Variants in TNPO1 observed in about 807,000 individuals in gnomAD.
TNPO1 encodes the protein transportin-1.
In TNPO1, 8 loss-of-function variants were observed where a neutral mutation model predicts 119.5. The observed-to-expected ratio is 0.07, with a 90% CI of 0.04 to 0.12. The LOEUF (loss-of-function observed/expected upper bound fraction) is 0.12, where lower values mean the gene tolerates loss of function less well. TNPO1 is among the 10% of genes least tolerant of loss of function. TNPO1 has a pLI of 1.00. For synonymous variants in TNPO1, 362 were observed against 363.0 expected, an observed-to-expected ratio of 1.00 and a Z score of 0.03; for missense variants, 576 against 1,089.8, an observed-to-expected ratio of 0.53 and a Z score of 6.64.
At chr5:72,842,766 C>T (rs1744972210) in intron 1 of TNPO1, among the ~76,000 whole-genome samples, 1 of 152,154 alleles carries the variant, frequency 6.6e-6, no homozygotes. Context: ...AAAAGATGAA[C>T]CTCTCCTTCC....
intron 24 of TNPO1, among the ~76,000 whole-genome samples, chr5:72,906,293 T>TTC (rs1750158444): frequency 8.4e-6 from 1 of 119,606 alleles, no homozygotes; most frequent in African/African-American, 3.3e-5. Context: ...TTTTTTTTTT[T>TTC]TTTTTTTTTT....
At chr5:72,866,104 A>G (rs1285081180) in intron 6 of TNPO1, among the ~76,000 whole-genome samples, 3 of 152,184 alleles carry the variant, frequency 2.0e-5, no homozygotes, top group African/African-American at 7.2e-5. Context: ...GTTTGTTACA[A>G]AGGCGTATTG....
intron 14 of TNPO1, 62 bp from the exon 15 acceptor site, chr5:72,891,748 T>A (rs1749075916): frequency 8.2e-7 from 1 of 1,214,960 alleles, no homozygotes. Context: ...TTTCAAAGAC[T>A]CAAAATGGTC....
At chr5:72,872,845 TAATTA>T in intron 7 of TNPO1, 125 bp downstream of exon 7, 1 of 529,134 alleles carries the variant, frequency 1.9e-6, no homozygotes, top group Non-Finnish European at 3.2e-6. Flanking sequence ...ACTCAATATT[TAATTA>T]AATTATTTCT....
intron 6 of TNPO1, 46 bp from the exon 7 acceptor site, chr5:72,872,593 A>G: frequency 7.2e-7 from 1 of 1,392,404 alleles, no homozygotes; most frequent in Non-Finnish European, 1.0e-6. Flanking sequence ...TATAGATAGA[A>G]CAAAGTTACA....
At chr5:72,897,732 G>C (rs1579931644) in intron 20 of TNPO1, among the ~76,000 whole-genome samples, 1 of 151,394 alleles carries the variant, frequency 6.6e-6, no homozygotes, top group East Asian at 1.9e-4. Flanking sequence ...ATTTGTGGGT[G>C]GATTCGGTCC....
At chr5:72,840,548 C>T (rs368529109) in intron 1 of TNPO1, among the ~76,000 whole-genome samples, 42 of 151,966 alleles carry the variant, frequency 2.8e-4, no homozygotes, top group Non-Finnish European at 2.2e-4. Flanking sequence ...CTCTGAACCT[C>T]GGTTAATATA....
At chr5:72,855,660 T>C (rs1241049927) in intron 3 of TNPO1, 114 bp from the exon 4 acceptor site, 2 of 831,522 alleles carry the variant, frequency 2.4e-6, no homozygotes, top group East Asian at 2.7e-5. Flanking sequence ...TTTAACTGGT[T>C]ATAGCAAGTT....
intron 21 of TNPO1, 59 bp from the exon 22 acceptor site, chr5:72,900,915 G>A (rs1749758687): frequency 8.8e-7 from 1 of 1,135,184 alleles, no homozygotes; most frequent in African/African-American, 1.6e-5. Flanking sequence ...CTGTCCATTA[G>A]TATTGTCATT....
chr5:72,882,970 G>A (rs1387298690), intron 10 of TNPO1, 94 bp from the exon 11 acceptor site: 4 of 876,614 alleles, frequency 4.6e-6, no homozygotes, highest in Non-Finnish European at 5.6e-6. Flanking sequence ...TTCTGTGCAT[G>A]ACCCCATCTC....
intron 9 of TNPO1, among the ~76,000 whole-genome samples, chr5:72,880,592 A>G (rs1183400495): frequency 6.6e-6 from 1 of 152,190 alleles, no homozygotes; most frequent in Non-Finnish European, 1.5e-5. Flanking sequence ...AGGCGGGTGT[A>G]TCACCTGAGG....
intron 3 of TNPO1, among the ~76,000 whole-genome samples, chr5:72,853,684 G>A (rs1745764640): frequency 6.7e-6 from 1 of 148,596 alleles, no homozygotes. Context: ...TGGGAAGATT[G>A]GGACACAAGT....
intron 1 of TNPO1, among the ~76,000 whole-genome samples, chr5:72,835,335 T>C (rs1177428814): frequency 1.3e-5 from 2 of 152,244 alleles, no homozygotes; most frequent in African/African-American, 2.4e-5. Context: ...TGTCTGTTGC[T>C]GTTGCAAAAT....
rs1748794802 is a variant in TNPO1 at position 72,888,208 on chromosome 5, C to T, written c.1434C>T (p.Val478=). 3 of 1,614,116 alleles carry T rather than the reference C, an allele frequency of 1.9e-6. No homozygotes were observed. Residue 478 remains valine (V), a synonymous_variant, in exon 13 of 25, where the codon GTC becomes GTT. Coordinates refer to ENST00000337273, the MANE Select transcript of TNPO1 (RefSeq NM_002270.4). ...WTLSRYAHWV[V]SQPPDTYLKP... ...TTAGCCGCTATGCACACTGGGTGGT[C>T]AGCCAGCCGCCAGACACGTACCTGA...
intron 5 of TNPO1, among the ~76,000 whole-genome samples, chr5:72,865,158 TAG>T (rs1746785449): frequency 6.6e-6 from 1 of 152,186 alleles, no homozygotes; most frequent in Admixed American, 6.5e-5. Context: ...AATTGAATAT[TAG>T]AGCGGGCATG....
chr5:72,870,325 G>A (rs1747292999), intron 6 of TNPO1, among the ~76,000 whole-genome samples: 1 of 147,446 alleles, frequency 6.8e-6, no homozygotes, highest in South Asian at 2.1e-4. Context: ...ATCACTCCCA[G>A]CTAATTTTTT....
At chr5:72,840,290 G>A (rs951205108) in intron 1 of TNPO1, among the ~76,000 whole-genome samples, 11 of 152,084 alleles carry the variant, frequency 7.2e-5, no homozygotes, top group African/African-American at 2.7e-4. Context: ...TGTGATCTTG[G>A]ACACATTGCT....
intron 22 of TNPO1, among the ~76,000 whole-genome samples, chr5:72,902,366 G>A (rs927563351): frequency 3.9e-5 from 6 of 152,090 alleles, no homozygotes; most frequent in South Asian, 2.1e-4. Flanking sequence ...GGTGATAGAC[G>A]TTGAAAACCT....
At chr5:72,827,325 A>G (rs1426108270) in intron 1 of TNPO1, among the ~76,000 whole-genome samples, 2 of 152,210 alleles carry the variant, frequency 1.3e-5, no homozygotes, top group African/African-American at 4.8e-5. Flanking sequence ...TCTGTGTGAT[A>G]GGAAACCACT....
Sources: gnomAD v4.1 joint callset for allele counts (sites outside exome capture counted in the v4.1 genomes callset) on GRCh38, gnomAD v4.1.1 for gene constraint, MANE v1.5 for transcripts, NCBI Gene and HGNC (gene_info 2026-07-23, HGNC 2026-07-21) for gene names.